NRF1: variants seen among roughly 807,000 people sequenced by gnomAD.
The protein encoded by NRF1 is nuclear respiratory factor 1.
NRF1 carries 5 observed loss-of-function variants against 58.5 expected under a neutral mutation model. The ratio of observed to expected loss-of-function variants is 0.09; its 90% CI spans 0.04 to 0.18. The LOEUF is 0.18. NRF1 is among the 10% of genes least tolerant of loss of function. NRF1 has a pLI of 1.00. For missense variants in NRF1, 288 were observed against 657.7 expected, an observed-to-expected ratio of 0.44 and a Z score of 6.15; for synonymous variants, 224 against 246.7, an observed-to-expected ratio of 0.91 and a Z score of 0.86.
rs565550538 is a variant in NRF1, at chr7:129,681,602, C to T, written c.465+3844C>T. ...TAATTTATTTATTTAGAGACAAGGTCGCACTCAGTTGCCCACCTTAGAGTG... is the reference window on the plus strand; with the variant it reads ...TAATTTATTTATTTAGAGACAAGGTTGCACTCAGTTGCCCACCTTAGAGTG... On this transcript the variant is annotated intron_variant, in intron 4 of 10. Transcript: ENST00000393232. Among the ~76,000 whole-genome samples the T allele has an allele frequency of 2.2e-3, 333 of 152,160 alleles. 3 individuals carry two copies. The highest frequency in any genetic ancestry group is 6.8e-3 in the African/African-American group (282 of 41,524).
chr7:129,675,714 A>G (rs1235571618), intron 3 of NRF1, among the ~76,000 whole-genome samples: 1 of 152,218 alleles, frequency 6.6e-6, no homozygotes, highest in Non-Finnish European at 1.5e-5. Context: ...AAAATATTCC[A>G]TAAACCATGC....
intron 2 of NRF1, among the ~76,000 whole-genome samples, chr7:129,670,242 C>T (rs186031425): frequency 4.6e-5 from 7 of 152,224 alleles, no homozygotes; most frequent in Admixed American, 3.9e-4. Flanking sequence ...TCTGGATAGC[C>T]GTACAACATT....
chr7:129,686,089 A>G (rs4731614), intron 4 of NRF1, among the ~76,000 whole-genome samples: 145,786 of 145,796 alleles, frequency 1, 72,888 homozygotes, highest in Non-Finnish European at 1. Flanking sequence ...GCAACAGAGT[A>G]GGACTGTATC....
chr7:129,716,345 G>A (rs1052263468), intron 8 of NRF1, among the ~76,000 whole-genome samples: 1 of 152,036 alleles, frequency 6.6e-6, no homozygotes, highest in Admixed American at 6.6e-5. Flanking sequence ...AGACCCTTTG[G>A]ACAAAGGGTC....
At chr7:129,709,432 G>C (rs1255323450) in intron 6 of NRF1, among the ~76,000 whole-genome samples, 199 bp downstream of exon 6, 4 of 152,168 alleles carry the variant, frequency 2.6e-5, no homozygotes, top group African/African-American at 9.7e-5. Context: ...AGACTGGGTT[G>C]AGTTGATGAA....
intron 1 of NRF1, among the ~76,000 whole-genome samples, chr7:129,616,340 T>C (rs1039989107): frequency 5.9e-5 from 9 of 152,194 alleles, no homozygotes; most frequent in African/African-American, 2.2e-4. Context: ...CCCAGCACTT[T>C]GGGAGGCCAA....
At chr7:129,742,762 T>C (rs1220660189) in intron 10 of NRF1, among the ~76,000 whole-genome samples, 2 of 152,234 alleles carry the variant, frequency 1.3e-5, no homozygotes, top group Non-Finnish European at 2.9e-5. Context: ...GTTTATGATA[T>C]GGAGTTGGCA....
intron 5 of NRF1, among the ~76,000 whole-genome samples, chr7:129,691,384 CAG>C (rs1488680915): frequency 1.6e-5 from 2 of 124,888 alleles, no homozygotes; most frequent in African/African-American, 6.1e-5. Flanking sequence ...TTTTTTGAGA[CAG>C]AGTCTCGAGC....
At position 129,710,434 on chromosome 7, in the gene NRF1, G is replaced by A; in HGVS notation, c.826G>A (p.Glu276Lys). ...AAACTGTTATAAACAGCATGGGCGG[G>A]AAGACCTTTTGTATGCCTTTGAAGA... Reference protein sequence around the residue: ...VKNCYKQHGREDLLYAFEDQQ... With the variant: ...VKNCYKQHGRKDLLYAFEDQQ... The change falls in exon 7 of 11, where the codon GAA (glutamate) becomes AAA (lysine). Residue 276 changes from glutamate (E) to lysine (K), a missense_variant. Around this residue, in one of 3 missense-constraint regions of NRF1, gnomAD observed 212 missense variants for 559.7 expected, o/e 0.38. Transcript: ENST00000393232. 6.2e-7 allele frequency: 1 copy of A among 1,614,184 alleles called. No individual in the cohort carries two copies. The highest frequency in any genetic ancestry group is 8.5e-7 in the Non-Finnish European group (1 of 1,180,036).
intron 10 of NRF1, chr7:129,735,053 G>A (rs1374697866): frequency 1.0e-6 from 1 of 985,248 alleles, no homozygotes; most frequent in South Asian, 4.7e-5. Flanking sequence ...CTCCTCACCG[G>A]GTCTTCCACT....
At chr7:129,733,082 G>T (rs1803621292) in intron 10 of NRF1, among the ~76,000 whole-genome samples, 1 of 148,770 alleles carries the variant, frequency 6.7e-6, no homozygotes, top group African/African-American at 2.5e-5. Context: ...CAAACAAAAG[G>T]TTCATCTTTT....
chr7:129,717,435 T>C, intron 9 of NRF1, 59 bp downstream of exon 9: 1 of 1,519,862 alleles, frequency 6.6e-7, no homozygotes, highest in South Asian at 1.3e-5. Flanking sequence ...CAGATATGGG[T>C]GGAGGCCCCT....
rs865820201 is a variant in NRF1 at position 129,642,759 on chromosome 7, T to A, written c.-6-14587T>A. 5.0e-4 allele frequency among the ~76,000 whole-genome samples: 70 copies of A among 140,224 alleles called. 2 individuals carry two copies. Among genetic ancestry groups the A allele is most frequent in the African/African-American group, 4.4e-4 (17 of 38,512 alleles). 92.0% of individuals were successfully genotyped at this position (140,224 alleles called of 152,430 possible). ...TAAAAGAATACATTCTTTAAAAAAT[T>A]TTTTTTTTTTTTTTTTTAAATGAGA... On this transcript the variant is annotated intron_variant, in intron 1 of 10. Transcript: ENST00000393232.
chr7:129,682,569 C>T (rs917522665), intron 4 of NRF1, among the ~76,000 whole-genome samples: 7 of 141,886 alleles, frequency 4.9e-5, no homozygotes, highest in African/African-American at 1.8e-4. Context: ...ATCTGAATAA[C>T]AGATTTAATA....
chr7:129,685,984 C>G (rs1336653905), intron 4 of NRF1, among the ~76,000 whole-genome samples: 2 of 151,338 alleles, frequency 1.3e-5, no homozygotes, highest in Non-Finnish European at 1.5e-5. Flanking sequence ...CACCTGTAAT[C>G]CTGGCTACTC....
chr7:129,619,490 G>GTGTGTATATATATATATA (rs1422472177), intron 1 of NRF1, among the ~76,000 whole-genome samples: 1 of 48,622 alleles, frequency 2.1e-5, no homozygotes, highest in African/African-American at 1.0e-4. Context: ...GTGTGTGTGT[G>GTGTGTATATATATATATA]TATATATATA....
At chr7:129,743,298 C>A (rs1281285811) in intron 10 of NRF1, among the ~76,000 whole-genome samples, 1 of 152,180 alleles carries the variant, frequency 6.6e-6, no homozygotes, top group Non-Finnish European at 1.5e-5. Flanking sequence ...TGCTGTTGGA[C>A]CAGACAGTCC....
At chr7:129,663,955 T>G (rs1249339692) in intron 2 of NRF1, among the ~76,000 whole-genome samples, 2 of 152,000 alleles carry the variant, frequency 1.3e-5, no homozygotes, top group African/African-American at 4.8e-5. Flanking sequence ...CGAAACCCCG[T>G]CTCCACCAAA....
intron 1 of NRF1, among the ~76,000 whole-genome samples, chr7:129,618,317 G>A (rs1415730640): frequency 6.6e-6 from 1 of 152,212 alleles, no homozygotes; most frequent in Non-Finnish European, 1.5e-5. Flanking sequence ...GAAAGGTCAA[G>A]TAAGTACCTG....
Sources: gnomAD v4.1 joint callset for allele counts (sites outside exome capture counted in the v4.1 genomes callset) on GRCh38, gnomAD v4.1.1 for gene constraint, gnomAD v4.1.1 regional missense constraint, MANE v1.5 for transcripts, NCBI Gene and HGNC (gene_info 2026-07-23, HGNC 2026-07-21) for gene names.